The following METTL25 variants were observed in gnomAD, a reference collection of about 807,000 sequenced individuals.
METTL25 encodes the protein probable methyltransferase-like protein 25.
Under a neutral mutation model 71.6 loss-of-function variants are expected in METTL25, and 64 were observed. The ratio of observed to expected loss-of-function variants is 0.89; its 90% confidence interval spans 0.73 to 1.10. METTL25 has a LOEUF of 1.10. Among genes scored for constraint, METTL25 ranks in the 50% least tolerant of loss-of-function variants. The pLI, the probability that METTL25 is intolerant of heterozygous loss-of-function variation, is 0.00. For missense variants in METTL25, 807 were observed against 707.0 expected, an observed-to-expected ratio of 1.14 and a Z score of -1.60; for synonymous variants, 287 against 250.3, an observed-to-expected ratio of 1.15 and a Z score of -1.38.
Position 82,456,802 on chromosome 12 carries a change from T to C in METTL25, c.1554T>C (p.Leu518=). The change falls in exon 9 of 12, where the codon CTT becomes CTC. Residue 518 remains leucine, a synonymous_variant. Transcript: ENST00000248306. Reference sequence around the variant, plus strand: ...ATGTCAGACGGTCTCTAAAGAAGCTTGGATTAGATGAGTCCAAGGTCAGTA... The same window carrying C: ...ATGTCAGACGGTCTCTAAAGAAGCTCGGATTAGATGAGTCCAAGGTCAGTA... ...LDYVRRSLKK[L]GLDESKLPEK... is the part of the protein sequence containing the mutation. The C allele has an allele frequency of 6.3e-7, 1 of 1,589,694 alleles. No individual in the cohort carries two copies. The highest frequency in any genetic ancestry group is 8.6e-7 in the Non-Finnish European group (1 of 1,164,110).
At chr12:82,400,122 G>T (rs577384639) in intron 4 of METTL25, among the ~76,000 whole-genome samples, 10 of 152,066 alleles carry the variant, frequency 6.6e-5, no homozygotes, top group Non-Finnish European at 1.3e-4. Context: ...AGGAGATTGA[G>T]ACCATCCTGG....
intron 2 of METTL25, among the ~76,000 whole-genome samples, chr12:82,388,139 TAGG>T (rs768130008): frequency 9.9e-5 from 15 of 152,108 alleles, no homozygotes; most frequent in Non-Finnish European, 1.6e-4. Flanking sequence ...GCATTTTTGA[TAGG>T]AGTACTACTC....
intron 1 of METTL25, among the ~76,000 whole-genome samples, chr12:82,360,078 C>T (rs1364654601): frequency 6.6e-6 from 1 of 152,126 alleles, no homozygotes; most frequent in Non-Finnish European, 1.5e-5. Flanking sequence ...AAATACTTGG[C>T]ATACATTAGA....
intron 1 of METTL25, among the ~76,000 whole-genome samples, chr12:82,376,702 C>G (rs1259570182): frequency 1.3e-5 from 2 of 152,158 alleles, no homozygotes; most frequent in East Asian, 1.9e-4. Context: ...CTGCTTAATA[C>G]TTTATAATAT....
chr12:82,408,034 A>T, intron 5 of METTL25: 3 of 784,678 alleles, frequency 3.8e-6, no homozygotes, highest in Non-Finnish European at 4.6e-6. Flanking sequence ...CTTTTAGTGT[A>T]TAGATGCCTG....
chr12:82,465,145 A>C (rs1251826625), intron 9 of METTL25, among the ~76,000 whole-genome samples: 1 of 151,874 alleles, frequency 6.6e-6, no homozygotes, highest in Non-Finnish European at 1.5e-5. Flanking sequence ...ACTGTGTTGC[A>C]TGAGAGTGGT....
At chr12:82,459,473 C>G (rs1891714192) in intron 9 of METTL25, among the ~76,000 whole-genome samples, 1 of 151,836 alleles carries the variant, frequency 6.6e-6, no homozygotes, top group African/African-American at 2.4e-5. Flanking sequence ...GCAAAAAATT[C>G]AGAAATTAGA....
intron 5 of METTL25, among the ~76,000 whole-genome samples, chr12:82,417,228 G>A (rs368743086): frequency 1.3e-4 from 20 of 152,072 alleles, no homozygotes; most frequent in Admixed American, 9.2e-4. Flanking sequence ...ATATTTTGTG[G>A]GAGATTGTAA....
At chr12:82,403,856 T>C (rs559679697) in intron 5 of METTL25, among the ~76,000 whole-genome samples, 1 of 152,294 alleles carries the variant, frequency 6.6e-6, no homozygotes, top group East Asian at 1.9e-4. Context: ...CTAATAATAG[T>C]AGTTCGTTTT....
chr12:82,421,489 A>G (rs1294371654), intron 5 of METTL25, among the ~76,000 whole-genome samples: 2 of 152,190 alleles, frequency 1.3e-5, no homozygotes, highest in Non-Finnish European at 1.5e-5. Context: ...TTAATTTTAC[A>G]TATGTTGATT....
intron 5 of METTL25, among the ~76,000 whole-genome samples, chr12:82,403,917 TC>T (rs1230025616): frequency 6.6e-6 from 1 of 152,162 alleles, no homozygotes; most frequent in African/African-American, 2.4e-5. Flanking sequence ...GAGTTTTAGA[TC>T]GGGAATTTTT....
Position 82,479,091 on chromosome 12 carries a change from A to T in METTL25, c.*67A>T, listed in dbSNP as rs997096446. On this transcript the variant is annotated 3_prime_UTR_variant, in exon 12 of 12. Transcript: ENST00000248306. ...CCTGTTGCTGAGATTGCTTTTCTAA[A>T]CATATATGTCCTGTTATACAAAAAT... 3.7e-6 allele frequency: 5 copies of T among 1,339,378 alleles called. No individual in the cohort carries two copies. In the African/African-American group the frequency reaches 7.2e-5, roughly 19 times the overall value. The allele number at this position is 1,339,378 out of a possible 1,614,324, so 83.0% of individuals were successfully genotyped here.
rs773183147 is a variant in METTL25, at chr12:82,434,721, A to G, written c.1401A>G (p.Gln467=). 6.2e-7 allele frequency: 1 copy of G among 1,609,332 alleles called. No individual in the cohort carries two copies. The highest frequency in any genetic ancestry group is 1.1e-5 in the South Asian group (1 of 90,956). Reference sequence around the variant, plus strand: ...CATTGGAGCGGGTTGCAGCTGGCCAAGGGGTAAGTAAGAGTGTTAACTGAT... The same window carrying G: ...CATTGGAGCGGGTTGCAGCTGGCCAGGGGGTAAGTAAGAGTGTTAACTGAT... ...CLALERVAAG[Q]GLPTESLFYR... is the part of the protein sequence containing the mutation. The change falls in exon 7 of 12, where the codon CAA becomes CAG. Residue 467 remains glutamine (Q), a synonymous_variant. Coordinates refer to ENST00000248306, the MANE Select transcript of METTL25 (RefSeq NM_032230.3).
intron 5 of METTL25, among the ~76,000 whole-genome samples, chr12:82,423,680 TCAAA>T (rs1888724075): frequency 6.6e-6 from 1 of 151,976 alleles, no homozygotes; most frequent in Non-Finnish European, 1.5e-5. Flanking sequence ...TACAATGAAC[TCAAA>T]CAAATTTACA....
chr12:82,467,015 G>T (rs534662767), intron 9 of METTL25, among the ~76,000 whole-genome samples: 5 of 151,860 alleles, frequency 3.3e-5, no homozygotes, highest in Admixed American at 6.6e-5. Flanking sequence ...GAGATAACAG[G>T]TGTGGGCTAC....
intron 1 of METTL25, 65 bp downstream of exon 1, chr12:82,358,889 GC>G: frequency 6.5e-7 from 1 of 1,534,192 alleles, no homozygotes; most frequent in Non-Finnish European, 8.8e-7. Flanking sequence ...GACGAAGCGA[GC>G]CCCCTGGTGG....
chr12:82,445,306 A>AT (rs1159038741), intron 8 of METTL25, among the ~76,000 whole-genome samples: 3 of 152,178 alleles, frequency 2.0e-5, no homozygotes, highest in Non-Finnish European at 2.9e-5. Flanking sequence ...CAAAATTTAT[A>AT]TAAAAACATG....
At chr12:82,463,007 G>C (rs1412147335) in intron 9 of METTL25, among the ~76,000 whole-genome samples, 1 of 151,948 alleles carries the variant, frequency 6.6e-6, no homozygotes, top group Non-Finnish European at 1.5e-5. Flanking sequence ...TATATATTAT[G>C]TATAGTGATT....
intron 5 of METTL25, among the ~76,000 whole-genome samples, chr12:82,415,775 A>T (rs1887932347): frequency 6.6e-6 from 1 of 152,020 alleles, no homozygotes; most frequent in African/African-American, 2.4e-5. Flanking sequence ...CTTTATTCAG[A>T]CCTCATTCAA....
Sources: allele counts gnomAD v4.1 joint callset (sites outside exome capture counted in the v4.1 genomes callset), GRCh38; gene constraint gnomAD v4.1.1; transcripts MANE v1.5; gene names NCBI Gene and HGNC (gene_info 2026-07-23, HGNC 2026-07-21).